Variants in FRMPD4 observed in about 807,000 individuals in gnomAD.
The protein encoded by FRMPD4 is FERM and PDZ domain-containing protein 4.
FRMPD4 carries 22 observed loss-of-function variants against 94.1 expected under a neutral mutation model. That is an observed-to-expected ratio of 0.23 (90% confidence interval 0.17 to 0.33). The LOEUF is 0.33. Among genes scored for constraint, FRMPD4 ranks in the 10% least tolerant of loss-of-function variants. The pLI, the probability that FRMPD4 is intolerant of heterozygous loss-of-function variation, is 1.00. For synonymous variants in FRMPD4, 631 were observed against 548.6 expected (o/e 1.15, Z -2.10); for missense variants, 1,111 against 1,339.9 (o/e 0.83, Z 2.67).
At chrX:12,555,979 C>T (rs192937418) in intron 2 of FRMPD4, among the ~76,000 whole-genome samples, 125 of 110,690 alleles carry the variant, frequency 1.1e-3, no homozygotes, top group Non-Finnish European at 2.1e-3. Flanking sequence ...TTCAAAGATG[C>T]GATCATAGCT....
chrX:12,139,553 G>T (rs5933960), intron 1 of FRMPD4, among the ~76,000 whole-genome samples: 13,938 of 89,692 alleles, frequency 0.16, 863 homozygotes, highest in East Asian at 0.49. Flanking sequence ...TTTTTTTTTG[G>T]GGGGGGGGTA....
chrX:12,415,370 C>T (rs781386681), intron 1 of FRMPD4, among the ~76,000 whole-genome samples: 11 of 111,224 alleles, frequency 9.9e-5, no homozygotes, highest in Non-Finnish European at 1.7e-4. Context: ...CAACCCTTAC[C>T]TCCTCCATCC....
intron 1 of FRMPD4, among the ~76,000 whole-genome samples, chrX:12,256,997 C>T (rs1240481550): frequency 1.8e-5 from 2 of 111,785 alleles, no homozygotes; most frequent in Non-Finnish European, 3.8e-5. Context: ...AAATATTTTC[C>T]AGAAAAGATG....
intron 1 of FRMPD4, among the ~76,000 whole-genome samples, chrX:11,837,261 T>C (rs1187057270): frequency 8.9e-6 from 1 of 111,949 alleles, no homozygotes; most frequent in Non-Finnish European, 1.9e-5. Flanking sequence ...ATTTTTAAAC[T>C]GAAAAAGAAT....
At position 11,979,526 on chromosome X, in the gene FRMPD4, A is replaced by G. The variant is rs184113000; in HGVS notation, c.95+101508A>G. On this transcript the variant is annotated intron_variant, in intron 3 of 18. Coordinates refer to the FRMPD4 transcript ENST00000640291. ...TGAAACTTTCATCACTCTATACCTC[A>G]TTGATGCTTGGCATTATCCAAATTT... Among the ~76,000 whole-genome samples, 13 of 112,022 alleles carry G rather than the reference A, an allele frequency of 1.2e-4. No homozygotes were observed. The East Asian group carries it at 3.7e-3, about 31-fold the overall frequency.
intron 1 of FRMPD4, among the ~76,000 whole-genome samples, chrX:12,212,024 G>A (rs1263302163): frequency 9.0e-6 from 1 of 111,353 alleles, no homozygotes; most frequent in African/African-American, 3.3e-5. Context: ...CGGGTGTTGA[G>A]ATGTTTATTA....
intron 3 of FRMPD4, among the ~76,000 whole-genome samples, chrX:12,050,881 T>C (rs1032439642): frequency 9.0e-6 from 1 of 111,301 alleles, no homozygotes; most frequent in African/African-American, 3.3e-5. Flanking sequence ...ATGTTTATAT[T>C]AACATCATAA....
At chrX:11,841,967 G>T (rs1226323059) in intron 1 of FRMPD4, among the ~76,000 whole-genome samples, 2 of 111,187 alleles carry the variant, frequency 1.8e-5, no homozygotes, top group Non-Finnish European at 3.8e-5. Context: ...TCTCCATATG[G>T]CTAGCCAGTT....
intron 1 of FRMPD4, chrX:12,374,896 C>T (rs2056214010): frequency 8.9e-6 from 1 of 111,875 alleles, no homozygotes; most frequent in African/African-American, 3.3e-5. Flanking sequence ...CCCATTCTCC[C>T]CCATTCTATG....
At chrX:12,448,585 G>A (rs1206835731) in intron 1 of FRMPD4, among the ~76,000 whole-genome samples, 1 of 112,253 alleles carries the variant, frequency 8.9e-6, no homozygotes, top group Non-Finnish European at 1.9e-5. Context: ...CCTGGCATAT[G>A]CCTAGGAAAT....
rs1368263028 is a variant in FRMPD4, at chrX:12,717,078, G to A, written c.2619G>A (p.Leu873=). Residue 873 remains leucine (L), a synonymous_variant, in exon 15 of 17, where the codon CTG becomes CTA. Transcript: ENST00000675598. ...TGGATAATGCCGTCGTCTCCACGCTGGGAGCTCTAGAGGCTCTATCCGTGT... is the reference window on the plus strand; with the variant it reads ...TGGATAATGCCGTCGTCTCCACGCTAGGAGCTCTAGAGGCTCTATCCGTGT... The part of the protein sequence containing the change: ...KGLDNAVVST[L]GALEALSVSE... The A allele has an allele frequency of 8.3e-7, 1 of 1,205,058 alleles. No individual in the cohort carries two copies. The highest frequency in any genetic ancestry group is 2.2e-5 in the Admixed American group (1 of 45,841).
intron 10 of FRMPD4, among the ~76,000 whole-genome samples, chrX:12,702,692 T>C (rs1424114020): frequency 1.8e-5 from 2 of 112,848 alleles, no homozygotes; most frequent in Non-Finnish European, 3.7e-5. Flanking sequence ...AATAAATTCA[T>C]GAGCCTGTGT....
chrX:11,837,563 G>A (rs1409880299), intron 1 of FRMPD4, among the ~76,000 whole-genome samples: 1 of 111,545 alleles, frequency 9.0e-6, no homozygotes, highest in African/African-American at 3.3e-5. Context: ...AAGAATAATA[G>A]AGGGCATGAT....
chrX:12,412,230 A>T (rs115694855), intron 1 of FRMPD4, among the ~76,000 whole-genome samples: 4,418 of 112,112 alleles, frequency 0.039, 218 homozygotes, highest in African/African-American at 0.13. Flanking sequence ...CCTTGAGCAG[A>T]TCTGTCTTCT....
chrX:11,844,147 C>A, intron 1 of FRMPD4, among the ~76,000 whole-genome samples: 1 of 95,146 alleles, frequency 1.1e-5, no homozygotes, highest in Non-Finnish European at 2.1e-5. Flanking sequence ...GCCATCACAC[C>A]CAGCTATTTT....
intron 2 of FRMPD4, among the ~76,000 whole-genome samples, chrX:12,505,755 G>A (rs2057977304): frequency 9.3e-6 from 1 of 108,085 alleles, no homozygotes; most frequent in Non-Finnish European, 1.9e-5. Flanking sequence ...AAAAAGGGGG[G>A]GAGAGCAACT....
At chrX:11,916,655 G>C (rs111339299) in intron 3 of FRMPD4, among the ~76,000 whole-genome samples, 4,823 of 111,155 alleles carry the variant, frequency 0.043, 117 homozygotes, top group East Asian at 0.15. Flanking sequence ...GCCTTGCTTT[G>C]TGTCTCACAT....
intron 3 of FRMPD4, among the ~76,000 whole-genome samples, chrX:12,127,745 A>C (rs1223596047): frequency 8.9e-6 from 1 of 112,196 alleles, no homozygotes; most frequent in Non-Finnish European, 1.9e-5. Context: ...TTCCACCTAT[A>C]AGCCTGTAAA....
In FRMPD4 at chrX:12,125,543, T is replaced by TC. The variant is rs201953379; in HGVS notation, c.95+247532dup. 7.3e-3 allele frequency among the ~76,000 whole-genome samples: 799 copies of TC among 109,570 alleles called. 19 individuals carry two copies. Among genetic ancestry groups the TC allele is most frequent in the Admixed American group, 0.066 (670 of 10,115 alleles). ...CTCTTTCCTCTGAATTTTTTTTTAA[T>TC]CCCCCCCGGTCCTTATCTGGAGCCT... On this transcript the variant is annotated intron_variant, in intron 3 of 18. Transcript: ENST00000640291.
Sources: gnomAD v4.1 joint callset for allele counts (sites outside exome capture counted in the v4.1 genomes callset) on GRCh38, gnomAD v4.1.1 for gene constraint, MANE v1.5 for transcripts, NCBI Gene and HGNC (gene_info 2026-07-23, HGNC 2026-07-21) for gene names.